USP9X: variants seen among roughly 807,000 people sequenced by gnomAD.
USP9X encodes ubiquitin carboxyl-terminal hydrolase 9X.
USP9X carries 7 observed loss-of-function variants against 190.3 expected under a neutral mutation model. The observed-to-expected ratio is 0.04, with a 90% CI of 0.02 to 0.07. The LOEUF (loss-of-function observed/expected upper bound fraction) is 0.07. Among genes scored for constraint, USP9X ranks in the 10% least tolerant of loss-of-function variants. The pLI is 1.00. For missense variants in USP9X, 1,010 were observed against 1,916.9 expected, an observed-to-expected ratio of 0.53 and a Z score of 8.83; for synonymous variants, 645 against 659.5, an observed-to-expected ratio of 0.98 and a Z score of 0.34.
At chrX:41,160,754 A>G (rs189207029) in intron 14 of USP9X, among the ~76,000 whole-genome samples, 87 of 112,306 alleles carry the variant, frequency 7.7e-4, no homozygotes, top group African/African-American at 2.7e-3. Context: ...ATTGACCTCC[A>G]GTTTTCAAAA....
At chrX:41,232,225 G>GTT (rs758633928) in intron 44 of USP9X, among the ~76,000 whole-genome samples, 162 bp from the exon 45 acceptor site, 5 of 109,640 alleles carry the variant, frequency 4.6e-5, no homozygotes, top group African/African-American at 1.7e-4. Flanking sequence ...GCCTTTTTTT[G>GTT]TTTTTGTTTT....
chrX:41,228,341 AAGTT>A (rs369646031), intron 41 of USP9X, among the ~76,000 whole-genome samples: 17 of 112,304 alleles, frequency 1.5e-4, no homozygotes, highest in Admixed American at 9.5e-4. Flanking sequence ...ATCATGTTTT[AAGTT>A]AGTTAGTTCA....
chrX:41,128,875 C>T, intron 2 of USP9X, 125 bp from the exon 3 acceptor site: 1 of 707,446 alleles, frequency 1.4e-6, no homozygotes, highest in Non-Finnish European at 2.1e-6. Flanking sequence ...GATGCAGAAC[C>T]CATGGATATG....
rs552977040 is a variant in USP9X at position 41,130,298 on chromosome X, C to T, written c.242+1153C>T. Reference sequence around the variant, plus strand: ...AATAAATTATATTTAATAGTGGTCCCTGACCATTCTCTATAGCAGTGATAC... The same window carrying T: ...AATAAATTATATTTAATAGTGGTCCTTGACCATTCTCTATAGCAGTGATAC... On this transcript the variant is annotated intron_variant, in intron 3 of 44. Transcript: ENST00000378308. 2.5e-4 allele frequency among the ~76,000 whole-genome samples: 27 copies of T among 110,116 alleles called. 1 individual carries two copies. In the South Asian group the frequency reaches 9.0e-3, roughly 37 times the overall value.
chrX:41,109,773 G>C (rs756932320), intron 1 of USP9X, among the ~76,000 whole-genome samples: 3 of 111,192 alleles, frequency 2.7e-5, no homozygotes, highest in African/African-American at 6.6e-5. Context: ...CTGGGGATGG[G>C]GGGGGCAGGA....
chrX:41,156,762 C>T (rs1184362069), intron 14 of USP9X, among the ~76,000 whole-genome samples: 1 of 111,930 alleles, frequency 8.9e-6, no homozygotes, highest in African/African-American at 3.2e-5. Context: ...ATGCTGTGCT[C>T]AGCAGTTGTG....
intron 31 of USP9X, 50 bp downstream of exon 31, chrX:41,201,330 A>G: frequency 9.3e-7 from 1 of 1,073,114 alleles, no homozygotes; most frequent in Non-Finnish European, 1.3e-6. Context: ...TTATGATACC[A>G]GATACTATTC....
At chrX:41,230,149 G>A (rs930594929) in intron 43 of USP9X, among the ~76,000 whole-genome samples, 18 of 111,488 alleles carry the variant, frequency 1.6e-4, no homozygotes, top group African/African-American at 5.2e-4. Context: ...TGCAGTGAGC[G>A]GAGATCGTGC....
chrX:41,138,041 G>A (rs12833360), intron 6 of USP9X, among the ~76,000 whole-genome samples: 6 of 110,957 alleles, frequency 5.4e-5, no homozygotes, highest in Admixed American at 9.6e-5. Context: ...CTTATAAAGT[G>A]TAGCGATTGT....
intron 1 of USP9X, among the ~76,000 whole-genome samples, chrX:41,119,609 T>C (rs1382615709): frequency 9.0e-6 from 1 of 111,682 alleles, no homozygotes; most frequent in East Asian, 2.8e-4. Context: ...TGGAGCAGAT[T>C]TGAAGTAGAC....
chrX:41,146,386 A>C (rs1399425745), intron 11 of USP9X, among the ~76,000 whole-genome samples: 1 of 112,265 alleles, frequency 8.9e-6, no homozygotes, highest in Non-Finnish European at 1.9e-5. Flanking sequence ...ATGAAGTCTG[A>C]GTCACCTTGT....
rs937810768 is a variant in USP9X at position 41,203,944 on chromosome X, C to T, written c.4825-1359C>T. ...AACTCCTGATTTCAGGTGATCCACC[C>T]ACCTTGGCCTCCCAAAGTGCTGGGA... On this transcript the variant is annotated intron_variant, in intron 31 of 44. Transcript: ENST00000378308. Among the ~76,000 whole-genome samples the T allele has an allele frequency of 1.8e-5, 2 of 111,742 alleles. 1 individual carries two copies. Among genetic ancestry groups the T allele is most frequent in the Non-Finnish European group, 3.8e-5 (2 of 53,144 alleles).
intron 18 of USP9X, among the ~76,000 whole-genome samples, chrX:41,169,765 A>G (rs2062708743): frequency 8.9e-6 from 1 of 112,150 alleles, no homozygotes; most frequent in Non-Finnish European, 1.9e-5. Flanking sequence ...CTTATTTTCA[A>G]GATACTGAAA....
intron 44 of USP9X, among the ~76,000 whole-genome samples, chrX:41,231,258 C>G (rs1323810061): frequency 9.0e-6 from 1 of 111,290 alleles, no homozygotes; most frequent in Non-Finnish European, 1.9e-5. Context: ...TTTCATAGGT[C>G]TTCAAGGGGC....
At chrX:41,128,916 A>C (rs894796671) in intron 2 of USP9X, 84 bp from the exon 3 acceptor site, 57 of 1,039,306 alleles carry the variant, frequency 5.5e-5, no homozygotes, top group Non-Finnish European at 7.4e-5. Flanking sequence ...TTAAATCTGC[A>C]ATGCTTGTCT....
chrX:41,092,879 AT>A (rs959992907), intron 1 of USP9X, among the ~76,000 whole-genome samples: 59 of 105,532 alleles, frequency 5.6e-4, no homozygotes, highest in Admixed American at 8.1e-4. Context: ...AAGAGCAGTG[AT>A]TTTTTTTTTT....
intron 32 of USP9X, among the ~76,000 whole-genome samples, chrX:41,210,181 A>T (rs1157078360): frequency 8.9e-6 from 1 of 111,987 alleles, no homozygotes; most frequent in Admixed American, 9.5e-5. Flanking sequence ...CTTTAATTGG[A>T]TTCAAAATGC....
At chrX:41,124,781 G>A (rs971616555) in intron 2 of USP9X, among the ~76,000 whole-genome samples, 1 of 111,804 alleles carries the variant, frequency 8.9e-6, no homozygotes, top group East Asian at 2.8e-4. Flanking sequence ...CCATACTTGC[G>A]TTATGACTCT....
chrX:41,090,192 C>T (rs748138734), intron 1 of USP9X, among the ~76,000 whole-genome samples: 1 of 109,639 alleles, frequency 9.1e-6, no homozygotes, highest in Non-Finnish European at 1.9e-5. Flanking sequence ...CCGGCATGAG[C>T]GACTGGGCCC....
Sources: allele counts gnomAD v4.1 joint callset (sites outside exome capture counted in the v4.1 genomes callset), GRCh38; gene constraint gnomAD v4.1.1; transcripts MANE v1.5; gene names NCBI Gene and HGNC (gene_info 2026-07-23, HGNC 2026-07-21).